The following TP63 variants were observed in gnomAD, a reference collection of about 807,000 sequenced individuals.
TP63 encodes the protein tumor protein 63.
TP63 carries 17 observed loss-of-function variants against 82.8 expected under a neutral mutation model. That is an observed-to-expected ratio of 0.21 (90% CI 0.14 to 0.31). The LOEUF is 0.31. Ranked by LOEUF, TP63 falls within the 10% of genes least tolerant of loss-of-function variation. The probability of loss-of-function intolerance (pLI) is 1.00; values close to 1 mark genes in which losing one functional copy is unlikely to be tolerated. For synonymous variants in TP63, 330 were observed against 321.7 expected, an observed-to-expected ratio of 1.03 and a Z score of -0.28; for missense variants, 648 against 895.3, an observed-to-expected ratio of 0.72 and a Z score of 3.52.
rs1720480217 is a variant in TP63 at position 189,886,697 on chromosome 3, C to G, written c.1507+146C>G. 7.0e-6 allele frequency: 8 copies of G among 1,139,136 alleles called. No individual in the cohort carries two copies. The Admixed American group carries it at 1.2e-4, about 17-fold the overall frequency. 70.6% of individuals were successfully genotyped at this position (1,139,136 alleles called of 1,614,324 possible). A position where few individuals can be genotyped will look rare whatever the true frequency, so the allele number is the denominator to read the frequency against. On this transcript the variant is annotated intron_variant, in intron 11 of 13. Coordinates refer to ENST00000264731, the MANE Select transcript of TP63 (RefSeq NM_003722.5). ...AAAGTGGAGTGGCTTGGGTTTCTGA[C>G]TGAACCTTTCACTTTTGAGGTTTAT...
At chr3:189,634,264 G>A (rs1320014082) in intron 1 of TP63, among the ~76,000 whole-genome samples, 1 of 151,838 alleles carries the variant, frequency 6.6e-6, no homozygotes, top group Non-Finnish European at 1.5e-5. Context: ...AAGAAGTCAT[G>A]AAAGATAATT....
intron 3 of TP63, among the ~76,000 whole-genome samples, chr3:189,745,889 G>T (rs1427048640): frequency 6.6e-6 from 1 of 150,716 alleles, no homozygotes; most frequent in Non-Finnish European, 1.5e-5. Flanking sequence ...GAAAACAGAA[G>T]AATTAAAAAA....
chr3:189,631,143 A>G (rs1022217557), upstream of TP63: 2 of 793,702 alleles, frequency 2.5e-6, no homozygotes, highest in African/African-American at 1.9e-5. Context: ...CCAGCATCCA[A>G]TCACGACAGA....
chr3:189,851,915 A>G (rs1486779830), intron 4 of TP63, among the ~76,000 whole-genome samples: 2 of 152,174 alleles, frequency 1.3e-5, no homozygotes, highest in Non-Finnish European at 2.9e-5. Flanking sequence ...CTTACCCTGC[A>G]GGGAGTATCT....
intron 3 of TP63, among the ~76,000 whole-genome samples, chr3:189,757,775 GTGA>G (rs1722294530): frequency 1.3e-5 from 2 of 152,100 alleles, no homozygotes; most frequent in Non-Finnish European, 2.9e-5. Context: ...TGACCATAAG[GTGA>G]TGGTCAGGCA....
the TP63 span, among the ~76,000 whole-genome samples, chr3:189,615,489 TGTTTG>T: frequency 6.6e-6 from 1 of 152,340 alleles, no homozygotes; most frequent in South Asian, 2.1e-4. Flanking sequence ...TAATTTTGTG[TGTTTG>T]GTCTCTTTTC....
At chr3:189,761,408 G>T (rs996338782) in intron 3 of TP63, among the ~76,000 whole-genome samples, 2 of 142,274 alleles carry the variant, frequency 1.4e-5, no homozygotes, top group African/African-American at 4.9e-5. Flanking sequence ...GTGCAAATCT[G>T]TAGGGCAGGG....
intron 1 of TP63, among the ~76,000 whole-genome samples, chr3:189,684,973 A>G (rs1055382510): frequency 1.3e-5 from 2 of 152,158 alleles, no homozygotes; most frequent in African/African-American, 2.4e-5. Flanking sequence ...GATATAATCA[A>G]ACAAATACAT....
chr3:189,751,845 T>A (rs1244808163), intron 3 of TP63, among the ~76,000 whole-genome samples: 1 of 152,226 alleles, frequency 6.6e-6, no homozygotes, highest in African/African-American at 2.4e-5. Context: ...TTTGTCAATT[T>A]TGGCTTTTGT....
chr3:189,814,663 A>G (rs543227369), intron 4 of TP63, among the ~76,000 whole-genome samples: 1 of 152,320 alleles, frequency 6.6e-6, no homozygotes, highest in East Asian at 1.9e-4. Flanking sequence ...ATTTTTGGTG[A>G]TGGTTCAAGT....
intron 3 of TP63, among the ~76,000 whole-genome samples, chr3:189,784,502 A>G (rs1253915256): frequency 1.3e-5 from 2 of 152,126 alleles, no homozygotes; most frequent in Non-Finnish European, 2.9e-5. Context: ...AACAATGAAC[A>G]TAGTATCTAA....
At chr3:189,820,386 A>G (rs767078003) in intron 4 of TP63, among the ~76,000 whole-genome samples, 1 of 152,200 alleles carries the variant, frequency 6.6e-6, no homozygotes, top group Non-Finnish European at 1.5e-5. Flanking sequence ...CACGGCATGG[A>G]TTTCAGTTAT....
Position 189,890,892 on chromosome 3 carries a change from T to A in TP63, c.1746+10T>A, listed in dbSNP as rs1048355127. 3.1e-6 allele frequency: 5 copies of A among 1,611,650 alleles called. No homozygotes were observed. In the African/African-American group the frequency reaches 6.7e-5, roughly 22 times the overall value. The stretch of plus-strand genomic sequence containing the variant: ...GCATTACTCCATGGATGTAAGTAAC[T>A]GTTAGACTTTTCTCAAATTTTATTT... On this transcript the variant is annotated intron_variant, in intron 13 of 13. Coordinates refer to ENST00000264731, the MANE Select transcript of TP63 (RefSeq NM_003722.5).
intron 4 of TP63, among the ~76,000 whole-genome samples, chr3:189,858,119 G>C (rs1263008489): frequency 1.3e-5 from 1 of 74,162 alleles, no homozygotes; most frequent in Non-Finnish European, 3.0e-5. Flanking sequence ...AAAATGTTGT[G>C]TATAGGCCGG....
intron 3 of TP63, among the ~76,000 whole-genome samples, chr3:189,784,640 A>C (rs1724463158): frequency 6.6e-6 from 1 of 152,120 alleles, no homozygotes. Context: ...TATACAAATA[A>C]AAAATTAAAT....
chr3:189,732,683 A>G (rs1720260685), intron 1 of TP63, among the ~76,000 whole-genome samples: 1 of 152,212 alleles, frequency 6.6e-6, no homozygotes, highest in Non-Finnish European at 1.5e-5. Context: ...TAACTTGGCC[A>G]TGGCCTCAAA....
intron 1 of TP63, among the ~76,000 whole-genome samples, chr3:189,636,355 A>G (rs906579809): frequency 1.3e-5 from 2 of 152,120 alleles, no homozygotes; most frequent in African/African-American, 4.8e-5. Context: ...CACTTAAGCT[A>G]TCTAAATCAA....
At chr3:189,839,382 G>A (rs1374379714) in intron 4 of TP63, among the ~76,000 whole-genome samples, 4 of 152,098 alleles carry the variant, frequency 2.6e-5, no homozygotes. Context: ...GGACTTCCCC[G>A]ACCTTGGAAG....
At chr3:189,644,584 C>T (rs115810661) in intron 1 of TP63, among the ~76,000 whole-genome samples, 2,072 of 152,112 alleles carry the variant, frequency 0.014, 51 homozygotes, top group African/African-American at 0.047. Context: ...TACATGGATA[C>T]GTTTTTTAAT....
Sources: gnomAD v4.1 joint callset for allele counts (sites outside exome capture counted in the v4.1 genomes callset) on GRCh38, gnomAD v4.1.1 for gene constraint, MANE v1.5 for transcripts, NCBI Gene and HGNC (gene_info 2026-07-23, HGNC 2026-07-21) for gene names.